Variants in RTN3 observed in about 807,000 individuals in gnomAD.
RTN3 encodes the protein reticulon-3.
A neutral mutation model predicts 77.8 loss-of-function variants in RTN3; 49 were observed. The ratio of observed to expected loss-of-function variants is 0.63; its 90% CI spans 0.50 to 0.80. The LOEUF is 0.80. Among genes scored for constraint, RTN3 ranks in the 30% least tolerant of loss-of-function variants. The pLI, the probability that RTN3 is intolerant of heterozygous loss-of-function variation, is 0.00. For synonymous variants in RTN3, 464 were observed against 446.9 expected, an observed-to-expected ratio of 1.04 and a Z score of -0.48; for missense variants, 1,236 against 1,211.9, an observed-to-expected ratio of 1.02 and a Z score of -0.29.
chr11:63,700,204 A>G (rs1372487074), intron 1 of RTN3, among the ~76,000 whole-genome samples: 1 of 151,500 alleles, frequency 6.6e-6, no homozygotes, highest in African/African-American at 2.4e-5. Flanking sequence ...TCATTGGCAG[A>G]GATTTAATGT....
intron 3 of RTN3, among the ~76,000 whole-genome samples, chr11:63,723,644 C>T (rs2011990633): frequency 6.6e-6 from 1 of 152,074 alleles, no homozygotes; most frequent in Admixed American, 6.6e-5. Flanking sequence ...AGGCTGGTCT[C>T]TCAAACTCCT....
chr11:63,723,656 G>A (rs2011991916), intron 3 of RTN3, among the ~76,000 whole-genome samples: 1 of 151,958 alleles, frequency 6.6e-6, no homozygotes, highest in Non-Finnish European at 1.5e-5. Flanking sequence ...CAAACTCCTG[G>A]CTTCAAGTGA....
intron 3 of RTN3, among the ~76,000 whole-genome samples, chr11:63,723,232 G>A (rs112603412): frequency 0.011 from 1,635 of 152,004 alleles, 31 homozygotes; most frequent in African/African-American, 0.036. Flanking sequence ...AAAGAAGACC[G>A]GTATAGTTAG....
At chr11:63,752,943 G>A (rs921687099) in intron 5 of RTN3, 126 bp from the exon 6 acceptor site, 5 of 954,248 alleles carry the variant, frequency 5.2e-6, no homozygotes, top group Non-Finnish European at 8.2e-6. Flanking sequence ...ACCTTCATTT[G>A]GAAATTGTCC....
intron 1 of RTN3, among the ~76,000 whole-genome samples, chr11:63,683,202 A>G (rs964752390): frequency 2.0e-5 from 3 of 152,188 alleles, no homozygotes; most frequent in African/African-American, 7.2e-5. Flanking sequence ...GCTTTTGCAG[A>G]TAAAAGAATG....
chr11:63,690,723 G>A (rs914343269), intron 1 of RTN3, among the ~76,000 whole-genome samples: 4 of 152,172 alleles, frequency 2.6e-5, no homozygotes, highest in African/African-American at 9.7e-5. Context: ...TTCTAGTCAA[G>A]TTCACCAGAT....
intron 3 of RTN3, among the ~76,000 whole-genome samples, chr11:63,734,487 A>G (rs762560867): frequency 6.7e-6 from 1 of 148,986 alleles, no homozygotes; most frequent in Non-Finnish European, 1.5e-5. Flanking sequence ...CTGTAATCCC[A>G]GTACTTTGGG....
chr11:63,734,985 A>G (rs1213562608), intron 3 of RTN3, among the ~76,000 whole-genome samples: 3 of 152,204 alleles, frequency 2.0e-5, no homozygotes, highest in Non-Finnish European at 4.4e-5. Context: ...TTGATAAACA[A>G]AACTCAATTT....
intron 1 of RTN3, among the ~76,000 whole-genome samples, chr11:63,701,359 G>A (rs990646044): frequency 2.6e-5 from 4 of 151,966 alleles, no homozygotes; most frequent in African/African-American, 9.7e-5. Context: ...TCTGTGTCTT[G>A]ATAGCTCATT....
At chr11:63,750,448 C>A in intron 4 of RTN3, 6 of 420,680 alleles carry the variant, frequency 1.4e-5, no homozygotes, top group East Asian at 4.3e-5. Flanking sequence ...AAAGAAGACT[C>A]TAAATTCTTT....
chr11:63,748,242 G>A (rs2013908306), intron 3 of RTN3, among the ~76,000 whole-genome samples: 1 of 150,256 alleles, frequency 6.7e-6, no homozygotes, highest in Non-Finnish European at 1.5e-5. Context: ...TTTAAACCAG[G>A]ACCATCCTGG....
At chr11:63,688,645 A>G (rs767077162) in intron 1 of RTN3, among the ~76,000 whole-genome samples, 2 of 152,146 alleles carry the variant, frequency 1.3e-5, no homozygotes, top group Non-Finnish European at 2.9e-5. Context: ...CTAAATTGTC[A>G]TTTCTAAGGG....
intron 3 of RTN3, among the ~76,000 whole-genome samples, chr11:63,732,841 TA>T (rs2012791851): frequency 6.6e-6 from 1 of 152,100 alleles, no homozygotes; most frequent in South Asian, 2.1e-4. Flanking sequence ...TATAGAGTAA[TA>T]CCAAAACTGG....
At chr11:63,745,432 G>A (rs2013737999) in intron 3 of RTN3, among the ~76,000 whole-genome samples, 1 of 152,222 alleles carries the variant, frequency 6.6e-6, no homozygotes, top group Non-Finnish European at 1.5e-5. Context: ...AAGTGATGAA[G>A]GCAGGGGCTG....
At chr11:63,707,182 A>G (rs1942535560) in intron 2 of RTN3, among the ~76,000 whole-genome samples, 1 of 152,192 alleles carries the variant, frequency 6.6e-6, no homozygotes. Context: ...TACAGGCATG[A>G]GTCACGTCGC....
chr11:63,756,573 TGAGAC>T (rs2014392632), intron 8 of RTN3, among the ~76,000 whole-genome samples: 1 of 152,026 alleles, frequency 6.6e-6, no homozygotes, highest in Non-Finnish European at 1.5e-5. Flanking sequence ...CTGGAGAGGC[TGAGAC>T]AAGAGGATCA....
chr11:63,690,254 A>G (rs1442756777), intron 1 of RTN3, among the ~76,000 whole-genome samples: 2 of 152,164 alleles, frequency 1.3e-5, no homozygotes, highest in Non-Finnish European at 2.9e-5. Context: ...ATTTGAACAT[A>G]TTTCAGTGGA....
In RTN3 at chr11:63,758,223, AAC is replaced by A. The variant is rs776949596; in HGVS notation, c.*24_*25del. 21 of 1,613,678 alleles carry A rather than the reference AAC, an allele frequency of 1.3e-5. No homozygotes were observed. Among genetic ancestry groups the A allele is most frequent in the African/African-American group, 2.7e-5 (2 of 74,944 alleles). ...ATAAGTACATGGAAACCAGAAATGC[AAC>A]AGTTACTAAAACACCATTTAATAGT... On this transcript the variant is annotated 3_prime_UTR_variant, in exon 9 of 9. Transcript: ENST00000377819.
intron 3 of RTN3, among the ~76,000 whole-genome samples, chr11:63,748,661 C>A: frequency 9.4e-6 from 1 of 105,924 alleles, no homozygotes. Context: ...GCCCCACTCA[C>A]TTTTTTTTTT....
Sources: allele counts gnomAD v4.1 joint callset (sites outside exome capture counted in the v4.1 genomes callset), GRCh38; gene constraint gnomAD v4.1.1; transcripts MANE v1.5; gene names NCBI Gene and HGNC (gene_info 2026-07-23, HGNC 2026-07-21).